The following XKR9 variants were observed in gnomAD, a reference collection of about 807,000 sequenced individuals.
The protein encoded by XKR9 is XK related 9, also known as XK-related protein 9.
XKR9 carries 32 observed loss-of-function variants against 32.0 expected under a neutral mutation model. That is an observed-to-expected ratio of 1.00 (90% CI 0.76 to 1.34). The LOEUF is 1.34. Ranked by LOEUF, XKR9 falls within the 40% of genes most tolerant of loss-of-function variation. The pLI is 0.00. For synonymous variants in XKR9, 168 were observed against 143.4 expected (o/e 1.17, Z -1.22); for missense variants, 546 against 429.7 (o/e 1.27, Z -2.39).
At chr8:70,907,350 G>GA in the XKR9 span, among the ~76,000 whole-genome samples, 112 of 152,258 alleles carry the variant, frequency 7.4e-4, 1 homozygote, top group African/African-American at 2.6e-3. Flanking sequence ...AAAGTTAATA[G>GA]TGATAGAATA....
chr8:70,754,286 C>T lies in XKR9; in HGVS notation n.353-35053C>T, dbSNP rs1331415910. 1.7e-4 allele frequency among the ~76,000 whole-genome samples: 25 copies of T among 147,018 alleles called. 2 individuals are homozygous for T. Among genetic ancestry groups the T allele is most frequent in the Non-Finnish European group, 3.0e-4 (20 of 66,918 alleles). On this transcript the variant is annotated intron_variant and non_coding_transcript_variant, in intron 2 of 3. Transcript: ENST00000520273. Reference sequence around the variant, plus strand: ...AAGAGGATACAAACAAATGGGAGAACATTCCATGCTTATGGATAGGAAGAA... The same window carrying T: ...AAGAGGATACAAACAAATGGGAGAATATTCCATGCTTATGGATAGGAAGAA...
chr8:70,883,193 T>C, the XKR9 span, among the ~76,000 whole-genome samples: 3 of 151,808 alleles, frequency 2.0e-5, no homozygotes, highest in Admixed American at 1.3e-4. Context: ...TGAGTCCTCA[T>C]AGCTTAGGCT....
the XKR9 span, among the ~76,000 whole-genome samples, chr8:70,905,439 G>A: frequency 5.3e-5 from 8 of 152,174 alleles, no homozygotes; most frequent in Non-Finnish European, 1.0e-4. Flanking sequence ...CATGCCTCAC[G>A]TAGTTCTCAT....
the XKR9 span, among the ~76,000 whole-genome samples, chr8:70,885,845 C>G: frequency 3.3e-5 from 5 of 152,164 alleles, no homozygotes; most frequent in South Asian, 2.1e-4. Flanking sequence ...ATATGCCCAC[C>G]TTGGCCTCCC....
chr8:70,973,612 C>T, the XKR9 span, among the ~76,000 whole-genome samples: 1 of 152,202 alleles, frequency 6.6e-6, no homozygotes, highest in South Asian at 2.1e-4. Flanking sequence ...TATGAACTTT[C>T]CTCTTAACAC....
intron 4 of XKR9, among the ~76,000 whole-genome samples, chr8:70,711,030 T>G (rs1805901868): frequency 2.0e-5 from 3 of 152,046 alleles, no homozygotes; most frequent in Admixed American, 2.0e-4. Context: ...AAAAGCTCTA[T>G]TTCACTAATA....
the XKR9 span, among the ~76,000 whole-genome samples, chr8:70,797,373 T>C: frequency 6.6e-6 from 1 of 152,268 alleles, no homozygotes; most frequent in Admixed American, 6.5e-5. Context: ...GTGTGGCCTT[T>C]CTTCTAAGTG....
chr8:70,995,106 G>A, the XKR9 span, among the ~76,000 whole-genome samples: 1 of 152,086 alleles, frequency 6.6e-6, no homozygotes, highest in Non-Finnish European at 1.5e-5. Flanking sequence ...ATAAGGACAG[G>A]GCAGAGGGCA....
the XKR9 span, among the ~76,000 whole-genome samples, chr8:70,915,335 G>C: frequency 9.9e-5 from 15 of 152,108 alleles, no homozygotes; most frequent in South Asian, 6.2e-4. Context: ...AGGTAGTCTT[G>C]TTCCCAGGTA....
chr8:70,737,954 G>C (rs1201990272), downstream of XKR9, among the ~76,000 whole-genome samples: 1 of 117,648 alleles, frequency 8.5e-6, no homozygotes, highest in East Asian at 2.0e-4. Flanking sequence ...TCTCTGCCAG[G>C]CTTTGGTATC....
chr8:70,725,780 C>A (rs1385683759), intron 4 of XKR9, among the ~76,000 whole-genome samples: 2 of 151,966 alleles, frequency 1.3e-5, no homozygotes, highest in Non-Finnish European at 2.9e-5. Flanking sequence ...GTAGTGGTCG[C>A]CTGTAATACC....
chr8:70,706,935 A>G lies in XKR9; in HGVS notation c.275A>G (p.Tyr92Cys), dbSNP rs144455580. Residue 92 changes from tyrosine to cysteine, a missense_variant and splice_region_variant, in exon 4 of 5, where the codon TAT becomes TGT. Tyr to Cys is a radical substitution (Grantham distance 194, BLOSUM62 -2). Coordinates refer to ENST00000408926, the MANE Select transcript of XKR9 (RefSeq NM_001011720.2). ...HCLQGGVFTR[Y>C]WFALKRGYHA... ...AAATGTTTATGTTTACTTTATAGGT[A>G]TTGGTTTGCCTTAAAAAGGGGTTAC... 2.5e-6 allele frequency: 4 copies of G among 1,609,244 alleles called. No homozygotes were observed. The highest frequency in any genetic ancestry group is 3.4e-6 in the Non-Finnish European group (4 of 1,176,510).
chr8:70,750,253 T>C (rs1807119975), intron 2 of XKR9, among the ~76,000 whole-genome samples: 1 of 152,214 alleles, frequency 6.6e-6, no homozygotes, highest in Non-Finnish European at 1.5e-5. Context: ...TGTTGCTCTG[T>C]GAACTCTGCA....
chr8:70,802,228 G>A, the XKR9 span, among the ~76,000 whole-genome samples: 5 of 152,068 alleles, frequency 3.3e-5, no homozygotes, highest in East Asian at 1.9e-4. Flanking sequence ...GAGCCACCGC[G>A]CCCGGCCCTT....
At chr8:71,029,011 A>G in the XKR9 span, among the ~76,000 whole-genome samples, 2 of 152,150 alleles carry the variant, frequency 1.3e-5, no homozygotes, top group East Asian at 1.9e-4. Flanking sequence ...CTCTGAGTCC[A>G]TATTCCTCTG....
chr8:70,802,140 G>T, the XKR9 span, among the ~76,000 whole-genome samples: 1 of 151,942 alleles, frequency 6.6e-6, no homozygotes, highest in Non-Finnish European at 1.5e-5. Flanking sequence ...GTTTCACCAT[G>T]TTATCCAGGA....
chr8:70,701,178 A>G (rs1805519650), intron 3 of XKR9, among the ~76,000 whole-genome samples: 1 of 152,176 alleles, frequency 6.6e-6, no homozygotes, highest in African/African-American at 2.4e-5. Context: ...GCTCGTGCAC[A>G]GTGTGCTGCA....
At chr8:71,013,377 C>T in the XKR9 span, among the ~76,000 whole-genome samples, 13 of 152,288 alleles carry the variant, frequency 8.5e-5, no homozygotes, top group African/African-American at 3.1e-4. Context: ...CCTACACACT[C>T]TCCCCACTGG....
the XKR9 span, among the ~76,000 whole-genome samples, chr8:70,799,540 C>A: frequency 6.6e-6 from 1 of 152,020 alleles, no homozygotes; most frequent in Non-Finnish European, 1.5e-5. Flanking sequence ...CCATGTTGCC[C>A]AGGGTGGTCA....
Sources: allele counts gnomAD v4.1 joint callset (sites outside exome capture counted in the v4.1 genomes callset), GRCh38; gene constraint gnomAD v4.1.1; transcripts MANE v1.5; gene names NCBI Gene and HGNC (gene_info 2026-07-23, HGNC 2026-07-21).